KLHL2: variants seen among roughly 807,000 people sequenced by gnomAD.
KLHL2 encodes the protein kelch-like protein 2.
Under a neutral mutation model 75.8 loss-of-function variants are expected in KLHL2, and 15 were observed. That is an observed-to-expected ratio of 0.20 (90% CI 0.13 to 0.30). The LOEUF is 0.30. KLHL2 is among the 10% of genes least tolerant of loss of function. KLHL2 has a pLI of 1.00. For synonymous variants in KLHL2, 214 were observed against 251.9 expected (o/e 0.85, Z 1.42); for missense variants, 381 against 741.0 (o/e 0.51, Z 5.64).
chr4:165,264,753 T>TATATATATATATATATA (rs1742096910), intron 5 of KLHL2, among the ~76,000 whole-genome samples: 1 of 81,672 alleles, frequency 1.2e-5, no homozygotes, highest in Non-Finnish European at 2.5e-5. Flanking sequence ...TATATATATA[T>TATATATATATATATATA]ATATATATAT....
At chr4:165,259,886 G>A (rs1397411728) in intron 4 of KLHL2, among the ~76,000 whole-genome samples, 1 of 152,018 alleles carries the variant, frequency 6.6e-6, no homozygotes, top group Non-Finnish European at 1.5e-5. Flanking sequence ...CGAGGGTGTG[G>A]TTTCTTCATC....
chr4:165,320,814 T>C (rs146697140), intron 14 of KLHL2, among the ~76,000 whole-genome samples: 186 of 152,316 alleles, frequency 1.2e-3, no homozygotes, highest in African/African-American at 4.1e-3. Context: ...AAAGAGATCA[T>C]GGATGTGGCT....
intron 5 of KLHL2, among the ~76,000 whole-genome samples, chr4:165,283,589 C>T (rs1286266316): frequency 6.6e-6 from 1 of 152,196 alleles, no homozygotes; most frequent in Non-Finnish European, 1.5e-5. Flanking sequence ...TGGGCAGCTC[C>T]TACCTCCTGG....
intron 1 of KLHL2, chr4:165,219,515 A>G (rs1239410666): frequency 1.5e-5 from 3 of 198,198 alleles, no homozygotes; most frequent in African/African-American, 2.4e-5. Flanking sequence ...CAAAATTTAA[A>G]TCAGATTCTA....
chr4:165,300,320 A>G (rs1745254734), intron 8 of KLHL2, among the ~76,000 whole-genome samples: 1 of 151,724 alleles, frequency 6.6e-6, no homozygotes, highest in Non-Finnish European at 1.5e-5. Flanking sequence ...AAAAAGAATT[A>G]TTTTGTAAGC....
chr4:165,219,959 C>A lies in KLHL2; in HGVS notation c.52C>A (p.Pro18Thr), dbSNP rs1400592966. The change falls in exon 2 of 15, where the codon CCT (proline) becomes ACT (threonine). Residue 18 changes from proline to threonine, a missense_variant. This residue lies in a region of KLHL2 where 48 missense variants were observed against 88.9 expected (regional missense o/e 0.54). Transcript: ENST00000226725. Reference sequence around the variant, plus strand: ...ATGCACAAAGCAGGGTCATCAGAAGCCTCTCGATTCAAAAGATGATAATAC... The same window carrying A: ...ATGCACAAAGCAGGGTCATCAGAAGACTCTCGATTCAAAAGATGATAATAC... Reference protein sequence around the residue: ...PACTKQGHQKPLDSKDDNTEK... With the variant: ...PACTKQGHQKTLDSKDDNTEK... 1 of 1,613,520 alleles carries A rather than the reference C, an allele frequency of 6.2e-7. No homozygotes were observed. The highest frequency in any genetic ancestry group is 1.1e-5 in the South Asian group (1 of 91,018).
At chr4:165,260,602 A>G (rs1467554873) in intron 4 of KLHL2, among the ~76,000 whole-genome samples, 1 of 152,150 alleles carries the variant, frequency 6.6e-6, no homozygotes, top group Non-Finnish European at 1.5e-5. Context: ...TGTTAGCATA[A>G]TATACCAACG....
At chr4:165,215,557 G>C (rs1560973909) in intron 1 of KLHL2, among the ~76,000 whole-genome samples, 1 of 152,134 alleles carries the variant, frequency 6.6e-6, no homozygotes, top group African/African-American at 2.4e-5. Context: ...AGTAATGGTG[G>C]GTGACTCATT....
rs1246580511 is a variant in KLHL2, at chr4:165,297,704, T to G, written c.750T>G (p.Leu250=). 2.9e-5 allele frequency: 47 copies of G among 1,610,964 alleles called. No individual in the cohort carries two copies. The highest frequency in any genetic ancestry group is 3.9e-5 in the Non-Finnish European group (46 of 1,177,306). Residue 250 remains leucine (L), a synonymous_variant, in exon 7 of 15, where the codon CTT becomes CTG. Transcript: ENST00000226725. ...TGGAACATGTACGGTTACCTTTGCT[T>G]CCTCGGGAATATTTAGTTCAGGTAA... ...RLMEHVRLPL[L]PREYLVQRVE...
intron 2 of KLHL2, among the ~76,000 whole-genome samples, chr4:165,222,339 G>A (rs1446846339): frequency 6.6e-6 from 1 of 152,038 alleles, no homozygotes; most frequent in Non-Finnish European, 1.5e-5. Flanking sequence ...TCCTTGCCTG[G>A]CCCTAGGATT....
At chr4:165,253,541 G>T (rs1282375178) in intron 4 of KLHL2, among the ~76,000 whole-genome samples, 1 of 152,188 alleles carries the variant, frequency 6.6e-6, no homozygotes, top group Non-Finnish European at 1.5e-5. Flanking sequence ...GTACTTGATT[G>T]TTTTTCCCCT....
intron 5 of KLHL2, among the ~76,000 whole-genome samples, chr4:165,272,616 A>G (rs1170087477): frequency 2.0e-5 from 3 of 152,082 alleles, no homozygotes; most frequent in Non-Finnish European, 4.4e-5. Context: ...CTGGGGAGAG[A>G]ATGAATAAAG....
chr4:165,246,856 C>T (rs1437521081), intron 4 of KLHL2, among the ~76,000 whole-genome samples: 7 of 152,024 alleles, frequency 4.6e-5, no homozygotes, highest in Admixed American at 1.3e-4. Context: ...GTATTGGTGG[C>T]ATATTGAAGT....
chr4:165,230,801 A>G (rs1274835796), intron 3 of KLHL2, among the ~76,000 whole-genome samples: 3 of 152,206 alleles, frequency 2.0e-5, no homozygotes, highest in African/African-American at 7.2e-5. Flanking sequence ...TCTAAACTGC[A>G]TTTCAGTTTC....
chr4:165,220,167 A>G lies in KLHL2; in HGVS notation c.152+108A>G, dbSNP rs1032565096. On this transcript the variant is annotated intron_variant, in intron 2 of 14. Transcript: ENST00000226725. ...TCCATTGTTGCTTTGTCTGGTACAC[A>G]GAACATTAAAAGCTTTTTCTGCAAG... The G allele has an allele frequency of 5.4e-6, 8 of 1,491,252 alleles. No individual in the cohort carries two copies. In the African/African-American group the frequency reaches 5.6e-5, roughly 10 times the overall value. The allele number at this position is 1,491,252 out of a possible 1,614,324, so 92.4% of individuals were successfully genotyped here.
At chr4:165,256,008 A>C (rs1741137795) in intron 4 of KLHL2, among the ~76,000 whole-genome samples, 1 of 152,002 alleles carries the variant, frequency 6.6e-6, no homozygotes, top group Non-Finnish European at 1.5e-5. Flanking sequence ...TAAACTACAG[A>C]TCCTAATAGC....
chr4:165,283,118 C>T (rs1402245129), intron 5 of KLHL2, among the ~76,000 whole-genome samples: 1 of 152,178 alleles, frequency 6.6e-6, no homozygotes, highest in Non-Finnish European at 1.5e-5. Flanking sequence ...CTGGGTCCCT[C>T]CCACAACACA....
rs180735928 is a variant in KLHL2 at position 165,308,958 on chromosome 4, G to T, written c.1040-1595G>T. Among the ~76,000 whole-genome samples, 205 of 152,228 alleles carry T rather than the reference G, an allele frequency of 1.3e-3. 7 individuals carry two copies. The highest frequency in any genetic ancestry group is 0.013 in the Admixed American group (204 of 15,274). On this transcript the variant is annotated intron_variant, in intron 9 of 14. Coordinates refer to ENST00000226725, the MANE Select transcript of KLHL2 (RefSeq NM_007246.4). ...TGCATTTCCGTGTATTTTTACAGGG[G>T]TGGGGGAATAAAGCACCAGAGGTTA...
chr4:165,246,134 G>T (rs796996734), intron 4 of KLHL2, among the ~76,000 whole-genome samples: 1 of 152,072 alleles, frequency 6.6e-6, no homozygotes, highest in Non-Finnish European at 1.5e-5. Context: ...TGAATGAAGA[G>T]AAGGGAGTGA....
Sources: gnomAD v4.1 joint callset for allele counts (sites outside exome capture counted in the v4.1 genomes callset) on GRCh38, gnomAD v4.1.1 for gene constraint, gnomAD v4.1.1 regional missense constraint, MANE v1.5 for transcripts, NCBI Gene and HGNC (gene_info 2026-07-23, HGNC 2026-07-21) for gene names.